ANO8: variants seen among roughly 807,000 people sequenced by gnomAD.
The protein encoded by ANO8 is anoctamin 8.
Under a neutral mutation model 120.4 loss-of-function variants are expected in ANO8, and 67 were observed. The observed-to-expected ratio is 0.56, with a 90% confidence interval of 0.46 to 0.68. ANO8 has a LOEUF of 0.68. Among genes scored for constraint, ANO8 ranks in the 30% least tolerant of loss-of-function variants. The pLI is 0.00. For missense variants in ANO8, 1,526 were observed against 1,737.6 expected, an observed-to-expected ratio of 0.88 and a Z score of 2.16; for synonymous variants, 727 against 759.2, an observed-to-expected ratio of 0.96 and a Z score of 0.70.
intron 13 of ANO8, 128 bp from the exon 14 acceptor site, chr19:17,328,008 G>C: frequency 7.1e-7 from 1 of 1,402,840 alleles, no homozygotes. Flanking sequence ...CAGCCCAGAG[G>C]CTTCCTGTAT....
rs2074253965 is a variant in ANO8 at position 17,323,736 on chromosome 19, C to G, written c.3480G>C (p.Glu1160Asp). The stretch of plus-strand genomic sequence containing the variant: ...CCAGGGCCTGGCGGGGGGCGGCACC[C>G]TCGCCCCCGCAGCCCCAGGGCCCGT... ...QWDGPWGCGG[E>D]GAAPRQALAA... The change falls in exon 18 of 18, where the codon GAG becomes GAC. Residue 1160 changes from glutamate (E) to aspartate (D), a missense_variant. Glu to Asp is a conservative substitution (Grantham distance 45). Around this residue, in one of 8 missense-constraint regions of ANO8, gnomAD observed 489 missense variants for 548.6 expected, o/e 0.89. Coordinates refer to ENST00000159087, the MANE Select transcript of ANO8 (RefSeq NM_020959.3). 5.8e-6 allele frequency: 7 copies of G among 1,204,958 alleles called. No homozygotes were observed. The highest frequency in any genetic ancestry group is 7.2e-6 in the Non-Finnish European group (7 of 970,098). 74.6% of individuals were successfully genotyped at this position (1,204,958 alleles called of 1,614,324 possible).
intron 13 of ANO8, 55 bp downstream of exon 13, chr19:17,328,107 T>C (rs2074285511): frequency 2.3e-6 from 3 of 1,328,792 alleles, no homozygotes; most frequent in Non-Finnish European, 3.0e-6. Context: ...CCTCGGACGG[T>C]GTGTCCCGTC....
rs769974537 is a variant in ANO8, at chr19:17,330,508, A to G, written c.994-4T>C. On this transcript the variant is annotated splice_polypyrimidine_tract_variant and splice_region_variant and intron_variant, in intron 8 of 17. Coordinates refer to ENST00000159087, the MANE Select transcript of ANO8 (RefSeq NM_020959.3). Reference sequence around the variant, plus strand: ...TGGGGCTGATACGTCGCACGCCCTGATGGTGGGCAAAGACCGGGCCCAGCA... The same window carrying G: ...TGGGGCTGATACGTCGCACGCCCTGGTGGTGGGCAAAGACCGGGCCCAGCA... The G allele has an allele frequency of 8.4e-5, 126 of 1,507,730 alleles. No individual in the cohort carries two copies. Among genetic ancestry groups the G allele is most frequent in the Middle Eastern group, 3.6e-4 (2 of 5,586 alleles). The allele number at this position is 1,507,730 out of a possible 1,614,324, so 93.4% of individuals were successfully genotyped here.
In ANO8 at chr19:17,333,851, CG is replaced by C; in HGVS notation, c.107-52del. 7.4e-6 allele frequency: 11 copies of C among 1,486,382 alleles called. No homozygotes were observed. The highest frequency in any genetic ancestry group is 1.0e-5 in the Non-Finnish European group (11 of 1,089,988). 92.1% of individuals were successfully genotyped at this position (1,486,382 alleles called of 1,614,324 possible). A position where few individuals can be genotyped will look rare whatever the true frequency, so the allele number is the denominator to read the frequency against. ...GTCAGGCCACTCTGGGATCCGGACC[CG>C]GCCTCCAGTCTTGGCTCCTCCTGCC... On this transcript the variant is annotated intron_variant, in intron 1 of 17. Coordinates refer to ENST00000159087, the MANE Select transcript of ANO8 (RefSeq NM_020959.3). This position sits in a 1 kb window ranked among gnomAD's most constrained non-coding sequence, Gnocchi z 7.2.
rs185794095 is a variant in ANO8 at position 17,331,723 on chromosome 19, C to T, written c.587-312G>A. 2.0e-3 allele frequency among the ~76,000 whole-genome samples: 309 copies of T among 151,308 alleles called. 1 individual carries two copies. The highest frequency in any genetic ancestry group is 7.3e-3 in the African/African-American group (302 of 41,232). On this transcript the variant is annotated intron_variant, in intron 5 of 17. Coordinates refer to ENST00000159087, the MANE Select transcript of ANO8 (RefSeq NM_020959.3). ...GTGCAGTGGCGTGATCTCCGCTCACCGCAACCTTCAAGCGATTATCGTGCC... is the reference window on the plus strand; with the variant it reads ...GTGCAGTGGCGTGATCTCCGCTCACTGCAACCTTCAAGCGATTATCGTGCC...
rs1041681908 is a variant in ANO8, at chr19:17,325,495, T to G, written c.2662-109A>C. 2.6e-5 allele frequency: 37 copies of G among 1,413,254 alleles called. No homozygotes were observed. The Admixed American group carries it at 7.7e-4, about 29-fold the overall frequency. 87.5% of individuals were successfully genotyped at this position (1,413,254 alleles called of 1,614,324 possible). A position where few individuals can be genotyped will look rare whatever the true frequency, so the allele number is the denominator to read the frequency against. ...TCTGCAAAAGTGGGGGAGACTTAAA[T>G]GCTTATTAGGCTCCAACTGTATCCC... On this transcript the variant is annotated intron_variant, in intron 16 of 17. Coordinates refer to ENST00000159087, the MANE Select transcript of ANO8 (RefSeq NM_020959.3).
At chr19:17,332,320 G>A (rs1339136921) in intron 5 of ANO8, among the ~76,000 whole-genome samples, 1 of 151,948 alleles carries the variant, frequency 6.6e-6, no homozygotes, top group African/African-American at 2.4e-5. Context: ...GCGCTACCAT[G>A]GCTCACTGCA....
At chr19:17,331,258 G>T (rs1448882832) in intron 6 of ANO8, 37 bp downstream of exon 6, 2 of 1,614,014 alleles carry the variant, frequency 1.2e-6, no homozygotes, top group Non-Finnish European at 1.7e-6. Context: ...CTGCCTGTCT[G>T]CTGGGACTCC....
chr19:17,328,880 C>T lies in ANO8; in HGVS notation c.1508G>A (p.Arg503Gln), dbSNP rs1422393112. Residue 503 changes from arginine (R) to glutamine (Q), a missense_variant, in exon 13 of 18, where the codon CGG becomes CAG. Around this residue, in one of 8 missense-constraint regions of ANO8, gnomAD observed 467 missense variants for 425.8 expected, o/e 1.10. Transcript: ENST00000159087. ...RRLGRGELGL[R>Q]AVWELARALL... ...GGCTCGGGCCAGCTCCCAGACGGCC[C>T]GCAGGCCCAGCTCGCCGCGGCCCAG... is the stretch of plus-strand genomic sequence containing the variant. The T allele has an allele frequency of 1.3e-6, 2 of 1,501,792 alleles. No homozygotes were observed. The highest frequency in any genetic ancestry group is 2.8e-5 in the East Asian group (1 of 35,730). The allele number at this position is 1,501,792 out of a possible 1,614,324, so 93.0% of individuals were successfully genotyped here.
In ANO8 at chr19:17,325,913, C is replaced by T. The variant is rs62128105; in HGVS notation, c.2662-527G>A. Among the ~76,000 whole-genome samples, 1,334 of 152,076 alleles carry T rather than the reference C, an allele frequency of 8.8e-3. 9 individuals carry two copies. Among genetic ancestry groups the T allele is most frequent in the Non-Finnish European group, 0.015 (1,010 of 67,974 alleles). On this transcript the variant is annotated intron_variant, in intron 16 of 17. Transcript: ENST00000159087. ...ATTGCACTCCAGCCTGGGGACAAAG[C>T]GAGACTGTCTCAAAAAAGAGAAAAA...
Position 17,333,576 on chromosome 19 carries a change from G to A in ANO8, c.218-22C>T. On this transcript the variant is annotated intron_variant, in intron 2 of 17. Transcript: ENST00000159087. This position sits in a 1 kb window ranked among gnomAD's most constrained non-coding sequence, Gnocchi z 7.2. ...GTGTCTGCCAAGGGGCACAGGGACC[G>A]ATGGCTCCTGCCACGAGGGGGCCCA... 3.1e-6 allele frequency: 5 copies of A among 1,611,500 alleles called. No homozygotes were observed. The highest frequency in any genetic ancestry group is 4.2e-6 in the Non-Finnish European group (5 of 1,179,802).
rs1599545567 is a variant in ANO8, at chr19:17,328,085, C to G, written c.2226+77G>C. On this transcript the variant is annotated intron_variant, in intron 13 of 17. Coordinates refer to ENST00000159087, the MANE Select transcript of ANO8 (RefSeq NM_020959.3). ...GCCCTGTTATCACCACTCCCACCCCCACGGCCTTCACCCTCGGACGGTGTG... is the reference window on the plus strand; with the variant it reads ...GCCCTGTTATCACCACTCCCACCCCGACGGCCTTCACCCTCGGACGGTGTG... The G allele has an allele frequency of 7.1e-6, 10 of 1,412,878 alleles. No individual in the cohort carries two copies. In the East Asian group the frequency reaches 2.2e-4, roughly 32 times the overall value. 87.5% of individuals were successfully genotyped at this position (1,412,878 alleles called of 1,614,324 possible). A position where few individuals can be genotyped will look rare whatever the true frequency, so the allele number is the denominator to read the frequency against.
intron 13 of ANO8, 74 bp downstream of exon 13, chr19:17,328,088 G>C: frequency 7.0e-7 from 1 of 1,425,884 alleles, no homozygotes; most frequent in Non-Finnish European, 9.3e-7. Context: ...CCACCCCCAC[G>C]GCCTTCACCC....
intron 8 of ANO8, 91 bp downstream of exon 8, chr19:17,330,737 G>C: frequency 6.6e-7 from 1 of 1,508,642 alleles, no homozygotes; most frequent in Non-Finnish European, 8.9e-7. Flanking sequence ...AAACAATCCT[G>C]TTTCACACCT....
In ANO8 at chr19:17,328,948, G is replaced by T. The variant is rs1199107417; in HGVS notation, c.1440C>A (p.Leu480=). 7 of 1,509,518 alleles carry T rather than the reference G, an allele frequency of 4.6e-6. No homozygotes were observed. The highest frequency in any genetic ancestry group is 6.2e-6 in the Non-Finnish European group (7 of 1,130,796). The allele number at this position is 1,509,518 out of a possible 1,614,324, so 93.5% of individuals were successfully genotyped here. A position where few individuals can be genotyped will look rare whatever the true frequency, so the allele number is the denominator to read the frequency against. ...LATLLITRQF[L]QNVREVLQPH... The stretch of plus-strand genomic sequence containing the variant: ...GCTGCAGGACCTCGCGCACGTTCTG[G>T]AGGAACTGGCGGGTGATCAGCAGCG... The change falls in exon 13 of 18, where the codon CTC becomes CTA. Residue 480 remains leucine (L), a synonymous_variant. Coordinates refer to ENST00000159087, the MANE Select transcript of ANO8 (RefSeq NM_020959.3).
In ANO8 at chr19:17,324,849, T is replaced by C; in HGVS notation, c.3199A>G (p.Asn1067Asp). The C allele has an allele frequency of 6.2e-7, 1 of 1,612,464 alleles. No individual in the cohort carries two copies. The highest frequency in any genetic ancestry group is 1.1e-5 in the South Asian group (1 of 91,036). ...GGCCGGGCCTGCCCGCCCGCCCCGT[T>C]GGACCCAGGCTCAGCCCGGGTGCCA... ...FGGTRAEPGS[N>D]GAGGQARPDG... Residue 1067 changes from asparagine to aspartate, a missense_variant, in exon 17 of 18, where the codon AAC becomes GAC. Asn to Asp is a conservative substitution (Grantham distance 23). Transcript: ENST00000159087.
chr19:17,328,218 C>A lies in ANO8; in HGVS notation c.2170G>T (p.Glu724Ter). ...GCCTGGGTGAGCTGGGGCGAGTGTT[C>A]CTCCTCCGGCGGGTCAATCCAAGAC... ...RSSWIDPPEE[E>*]HSPQLTQAEL... Residue 724 changes from glutamate to a stop codon, truncating the protein, a stop_gained, in exon 13 of 18, where the codon GAA (glutamate) becomes TAA (stop). Transcript: ENST00000159087. LOFTEE classifies it high-confidence loss of function. 6.3e-7 allele frequency: 1 copy of A among 1,591,124 alleles called. No individual in the cohort carries two copies. The highest frequency in any genetic ancestry group is 8.6e-7 in the Non-Finnish European group (1 of 1,163,412).
rs1413767149 is a variant in ANO8 at position 17,328,921 on chromosome 19, C to A, written c.1467G>T (p.Pro489=). 2.6e-6 allele frequency: 4 copies of A among 1,512,368 alleles called. No individual in the cohort carries two copies. Among genetic ancestry groups the A allele is most frequent in the East Asian group, 5.5e-5 (2 of 36,366 alleles). The allele number at this position is 1,512,368 out of a possible 1,614,324, so 93.7% of individuals were successfully genotyped here. Residue 489 remains proline, a synonymous_variant, in exon 13 of 18, where the codon CCG becomes CCT. Transcript: ENST00000159087. ...FLQNVREVLQ[P]HLYRRLGRGE... ...CGCGGCCCAGGCGCCGGTACAGGTGCGGCTGCAGGACCTCGCGCACGTTCT... is the reference window on the plus strand; with the variant it reads ...CGCGGCCCAGGCGCCGGTACAGGTGAGGCTGCAGGACCTCGCGCACGTTCT...
Position 17,329,779 on chromosome 19 carries a change from T to C in ANO8, c.1382A>G (p.Lys461Arg). ...LSLFYIGFYL[K>R]DMERLKEMLA... is the part of the protein sequence containing the mutation. Reference sequence around the variant, plus strand: ...CACCTCTTTCAAGCGCTCCATGTCCTTGAGGTAGAAACCGATGTAGAAGAG... The same window carrying C: ...CACCTCTTTCAAGCGCTCCATGTCCCTGAGGTAGAAACCGATGTAGAAGAG... Residue 461 changes from lysine to arginine, a missense_variant, in exon 12 of 18, where the codon AAG (lysine) becomes AGG (arginine). By Grantham distance (26) the Lys-to-Arg change is conservative (BLOSUM62 2). Transcript: ENST00000159087. 6.2e-7 allele frequency: 1 copy of C among 1,613,264 alleles called. No homozygotes were observed. Among genetic ancestry groups the C allele is most frequent in the South Asian group, 1.1e-5 (1 of 91,048 alleles).
Sources: allele counts gnomAD v4.1 joint callset (sites outside exome capture counted in the v4.1 genomes callset), GRCh38; gene constraint gnomAD v4.1.1; regional missense constraint gnomAD v4.1.1; non-coding constraint Gnocchi (gnomAD v3.1); transcripts MANE v1.5; gene names NCBI Gene and HGNC (gene_info 2026-07-23, HGNC 2026-07-21).